BOC: variants seen among roughly 807,000 people sequenced by gnomAD.
The protein encoded by BOC is BOC cell adhesion associated, oncogene regulated.
Under a neutral mutation model 112.0 loss-of-function variants are expected in BOC, and 76 were observed. The observed-to-expected ratio is 0.68, with a 90% CI of 0.56 to 0.82. BOC has a LOEUF of 0.82. Among genes scored for constraint, BOC ranks in the 40% least tolerant of loss-of-function variants. The pLI is 0.00. For missense variants in BOC, 1,309 were observed against 1,511.7 expected (o/e 0.87, Z 2.22); for synonymous variants, 580 against 599.8 (o/e 0.97, Z 0.48).
At chr3:113,220,342 C>T (rs184543506) in intron 2 of BOC, among the ~76,000 whole-genome samples, 241 of 152,226 alleles carry the variant, frequency 1.6e-3, no homozygotes, top group Non-Finnish European at 2.3e-3. Context: ...CCTGAAGCCA[C>T]GGTTTTCTGG....
chr3:113,249,205 A>G (rs553250696), intron 2 of BOC, among the ~76,000 whole-genome samples: 5 of 152,336 alleles, frequency 3.3e-5, no homozygotes, highest in African/African-American at 1.2e-4. Flanking sequence ...GCTAGGATTC[A>G]TTCACTTAGT....
At chr3:113,245,397 A>G (rs1944789871) in intron 2 of BOC, among the ~76,000 whole-genome samples, 1 of 152,030 alleles carries the variant, frequency 6.6e-6, no homozygotes, top group Non-Finnish European at 1.5e-5. Context: ...TTTCTTTCTT[A>G]ATTCCTTCTC....
chr3:113,265,485 CATT>C (rs1947374207), intron 4 of BOC, among the ~76,000 whole-genome samples: 2 of 152,198 alleles, frequency 1.3e-5, no homozygotes, highest in African/African-American at 4.8e-5. Flanking sequence ...AGCTCACAAT[CATT>C]CACAGCTCGC....
At position 113,247,500 on chromosome 3, in the gene BOC, G is replaced by GAAAAAAA. The variant is rs58781225; in HGVS notation, c.-81-2211_-81-2205dup. On this transcript the variant is annotated intron_variant, in intron 2 of 19. Transcript: ENST00000682979. ...CCCACTGGTTTCAGAGCCCTGATAG[G>GAAAAAAA]AAAAAAAAAAAAAAAAAGGGAAAAA... 4.1e-4 allele frequency among the ~76,000 whole-genome samples: 51 copies of GAAAAAAA among 125,778 alleles called. 1 individual carries two copies. Among genetic ancestry groups the GAAAAAAA allele is most frequent in the African/African-American group, 9.1e-4 (29 of 31,734 alleles). 82.5% of individuals were successfully genotyped at this position (125,778 alleles called of 152,430 possible).
At chr3:113,282,215 TGGA>T (rs999877540) in intron 15 of BOC, among the ~76,000 whole-genome samples, 6 of 151,734 alleles carry the variant, frequency 4.0e-5, no homozygotes, top group Non-Finnish European at 8.8e-5. Context: ...GGCTGTGAGG[TGGA>T]GGAGGGCTGT....
intron 2 of BOC, among the ~76,000 whole-genome samples, chr3:113,219,899 T>TC (rs1219515754): frequency 6.6e-6 from 1 of 152,216 alleles, no homozygotes; most frequent in East Asian, 1.9e-4. Flanking sequence ...TCTTATTTCT[T>TC]CCCCCCTCCC....
intron 2 of BOC, among the ~76,000 whole-genome samples, chr3:113,242,239 A>G (rs140395783): frequency 6.6e-6 from 1 of 152,052 alleles, no homozygotes; most frequent in East Asian, 1.9e-4. Context: ...TTGAGCCGGG[A>G]GTGTAGAAGA....
chr3:113,286,877 C>A lies in BOC; in HGVS notation c.*15C>A. 6.5e-7 allele frequency: 1 copy of A among 1,544,348 alleles called. No individual in the cohort carries two copies. Among genetic ancestry groups the A allele is most frequent in the Non-Finnish European group, 8.7e-7 (1 of 1,150,216 alleles). ...TCACAATTTAGGCAGAAGCTGATATCCCAGAAAGACTATATATTGTTTTTT... is the reference window on the plus strand; with the variant it reads ...TCACAATTTAGGCAGAAGCTGATATACCAGAAAGACTATATATTGTTTTTT... On this transcript the variant is annotated 3_prime_UTR_variant, in exon 20 of 20. Coordinates refer to ENST00000682979, the MANE Select transcript of BOC (RefSeq NM_001378074.1).
chr3:113,274,272 C>T lies in BOC; in HGVS notation c.1235-103C>T. ...GTGGCGGTACAGCTGATGGTGGGCC[C>T]AGGTTGCCTCTCTGTCTTCTTTCTG... On this transcript the variant is annotated intron_variant, in intron 8 of 19. Transcript: ENST00000682979. The surrounding 1 kb of genome is among the most constrained non-coding windows in gnomAD (Gnocchi z 4.8). 1 of 1,154,066 alleles carries T rather than the reference C, an allele frequency of 8.7e-7. No individual in the cohort carries two copies. The highest frequency in any genetic ancestry group is 2.6e-5 in the East Asian group (1 of 38,852). 71.5% of individuals were successfully genotyped at this position (1,154,066 alleles called of 1,614,324 possible).
intron 2 of BOC, among the ~76,000 whole-genome samples, chr3:113,235,967 A>G (rs938802651): frequency 6.6e-6 from 1 of 151,972 alleles, no homozygotes; most frequent in African/African-American, 2.4e-5. Flanking sequence ...GTTGTTGGAA[A>G]TGTAACTTAG....
chr3:113,257,503 T>C (rs1946359824), intron 4 of BOC, among the ~76,000 whole-genome samples: 1 of 152,212 alleles, frequency 6.6e-6, no homozygotes, highest in South Asian at 2.1e-4. Flanking sequence ...TATCCTTTCC[T>C]AATTTTCCCC....
chr3:113,277,381 C>T (rs760445207), intron 9 of BOC, among the ~76,000 whole-genome samples: 11 of 152,208 alleles, frequency 7.2e-5, no homozygotes, highest in Non-Finnish European at 1.3e-4. Flanking sequence ...GTTACACAAC[C>T]GGGATTTGAA....
chr3:113,286,307 T>G (rs1949687808), intron 19 of BOC, among the ~76,000 whole-genome samples: 1 of 152,022 alleles, frequency 6.6e-6, no homozygotes, highest in Admixed American at 6.5e-5. Flanking sequence ...GGGACTGGAT[T>G]GTGAGTGGGA....
At chr3:113,268,212 C>A in intron 4 of BOC, 87 bp from the exon 5 acceptor site, 1 of 1,556,632 alleles carries the variant, frequency 6.4e-7, no homozygotes, top group African/African-American at 1.4e-5. Flanking sequence ...TTTGTCATGA[C>A]TGACAACACC....
At position 113,266,435 on chromosome 3, in the gene BOC, A is replaced by G. The variant is rs958855470; in HGVS notation, c.377-1864A>G. ...TCAGATCCCACATAACGTCTCAAGA[A>G]ACATTGTATTTGCAAAATAGCTTCC... On this transcript the variant is annotated intron_variant, in intron 4 of 19. Coordinates refer to ENST00000682979, the MANE Select transcript of BOC (RefSeq NM_001378074.1). Among the ~76,000 whole-genome samples the G allele has an allele frequency of 3.3e-5, 5 of 152,348 alleles. No homozygotes were observed. The South Asian group carries it at 1.0e-3, about 32-fold the overall frequency.
At chr3:113,229,502 C>A (rs563259790) in intron 2 of BOC, among the ~76,000 whole-genome samples, 1 of 152,314 alleles carries the variant, frequency 6.6e-6, no homozygotes, top group East Asian at 1.9e-4. Flanking sequence ...GGCTCAGGGA[C>A]CTGTTTGTCA....
chr3:113,284,641 T>A, intron 17 of BOC, 74 bp downstream of exon 17: 26 of 1,523,568 alleles, frequency 1.7e-5, no homozygotes, highest in Non-Finnish European at 2.3e-5. Context: ...TTGGGGGGCC[T>A]CCTCCCTCCT....
chr3:113,268,741 G>A (rs1947793960), intron 5 of BOC, among the ~76,000 whole-genome samples: 1 of 152,094 alleles, frequency 6.6e-6, no homozygotes, highest in South Asian at 2.1e-4. Flanking sequence ...TGAGTAGCTA[G>A]GACTACAGGC....
At chr3:113,266,508 G>A (rs185100041) in intron 4 of BOC, among the ~76,000 whole-genome samples, 18 of 152,248 alleles carry the variant, frequency 1.2e-4, no homozygotes, top group African/African-American at 3.9e-4. Context: ...GTTATGCTAG[G>A]CTCTTGTCTG....
Sources: gnomAD v4.1 joint callset for allele counts (sites outside exome capture counted in the v4.1 genomes callset) on GRCh38, gnomAD v4.1.1 for gene constraint, Gnocchi (gnomAD v3.1) non-coding constraint, MANE v1.5 for transcripts, NCBI Gene and HGNC (gene_info 2026-07-23, HGNC 2026-07-21) for gene names.